The following KLF15 variants were observed in gnomAD, a reference collection of about 807,000 sequenced individuals.
The protein encoded by KLF15 is KLF transcription factor 15, also known as Krueppel-like factor 15.
In KLF15, 4 loss-of-function variants were observed where a neutral mutation model predicts 24.6. The ratio of observed to expected loss-of-function variants is 0.16; its 90% CI spans 0.08 to 0.37. The LOEUF is 0.37. Ranked by LOEUF, KLF15 falls within the 10% of genes least tolerant of loss-of-function variation. KLF15 has a pLI of 1.00. For synonymous variants in KLF15, 246 were observed against 236.3 expected (o/e 1.04, Z -0.37); for missense variants, 496 against 560.6 (o/e 0.88, Z 1.16).
At chr3:126,325,107 A>C in the KLF15 span, among the ~76,000 whole-genome samples, 1 of 49,688 alleles carries the variant, frequency 2.0e-5, no homozygotes, top group Non-Finnish European at 3.5e-5. Context: ...ATGGTTTCCA[A>C]TTTCATCCAT....
rs901907692 is a variant in KLF15, at chr3:126,342,864, C to G, written c.*863G>C. 1 of 152,448 alleles carries G rather than the reference C, an allele frequency of 6.6e-6. No individual in the cohort carries two copies. Among genetic ancestry groups the G allele is most frequent in the African/African-American group, 2.4e-5 (1 of 41,390 alleles). The allele number at this position is 152,448 out of a possible 1,614,324, so 9.4% of individuals were successfully genotyped here. On this transcript the variant is annotated 3_prime_UTR_variant, in exon 3 of 3. Transcript: ENST00000296233. ...ATAAACCTGTCAAAACAAGCTAGTT[C>G]ATTTATTAATTTCTAGACAAAATAA...
At chr3:126,348,098 G>T (rs2082549790) in intron 2 of KLF15, among the ~76,000 whole-genome samples, 1 of 152,188 alleles carries the variant, frequency 6.6e-6, no homozygotes. Flanking sequence ...ACCAGAGTTA[G>T]CACCCAACAC....
chr3:126,296,830 C>T, the KLF15 span, among the ~76,000 whole-genome samples: 1 of 152,360 alleles, frequency 6.6e-6, no homozygotes. Context: ...GGATATTCAT[C>T]TCCTTTCTTC....
chr3:126,294,097 C>T, the KLF15 span: 4 of 152,252 alleles, frequency 2.6e-5, no homozygotes, highest in Admixed American at 6.5e-5. Flanking sequence ...GTCTGCCTGA[C>T]GCCTTCTCTG....
At chr3:126,347,345 G>A (rs1369166476) in intron 2 of KLF15, among the ~76,000 whole-genome samples, 1 of 152,156 alleles carries the variant, frequency 6.6e-6, no homozygotes, top group African/African-American at 2.4e-5. Context: ...GAGGGAAGGA[G>A]GTCAGAAAAA....
At chr3:126,322,949 G>C in the KLF15 span, among the ~76,000 whole-genome samples, 1 of 150,394 alleles carries the variant, frequency 6.6e-6, no homozygotes, top group East Asian at 1.9e-4. Flanking sequence ...AATTTAAATT[G>C]TGCCTGTTCT....
chr3:126,331,341 T>G, the KLF15 span, among the ~76,000 whole-genome samples: 1 of 152,236 alleles, frequency 6.6e-6, no homozygotes, highest in Non-Finnish European at 1.5e-5. Context: ...TGCACAGCCT[T>G]GTAAAACCAC....
rs2082488459 is a variant in KLF15, at chr3:126,342,661, A to G, written c.*1066T>C. ...GTGAGTTCTTTTTCTTTTTATTGGC[A>G]AAGTAAATATATTTTTATGAAGGAC... On this transcript the variant is annotated 3_prime_UTR_variant, in exon 3 of 3. Coordinates refer to ENST00000296233, the MANE Select transcript of KLF15 (RefSeq NM_014079.4). The G allele has an allele frequency of 6.6e-6, 1 of 152,586 alleles. No homozygotes were observed. Among genetic ancestry groups the G allele is most frequent in the African/African-American group, 2.4e-5 (1 of 41,436 alleles). The allele number at this position is 152,586 out of a possible 1,614,324, so 9.5% of individuals were successfully genotyped here.
chr3:126,294,900 C>G, the KLF15 span, among the ~76,000 whole-genome samples: 1 of 146,586 alleles, frequency 6.8e-6, no homozygotes, highest in Admixed American at 7.1e-5. Context: ...CACACACACA[C>G]ACACAGATAC....
the KLF15 span, among the ~76,000 whole-genome samples, chr3:126,318,347 G>T: frequency 6.6e-6 from 1 of 152,136 alleles, no homozygotes; most frequent in Admixed American, 6.5e-5. Context: ...GATTAGCCTG[G>T]GGGTAGGAGA....
chr3:126,323,271 TACATACACATAA>T, the KLF15 span, among the ~76,000 whole-genome samples: 111 of 149,608 alleles, frequency 7.4e-4, no homozygotes, highest in African/African-American at 2.7e-3. Flanking sequence ...CCATACATGT[TACATACACATAA>T]TTATATACTT....
the KLF15 span, among the ~76,000 whole-genome samples, chr3:126,328,847 C>A: frequency 2.0e-5 from 3 of 152,152 alleles, no homozygotes; most frequent in Non-Finnish European, 2.9e-5. Flanking sequence ...ATTTGCATGT[C>A]TTTTACTGTA....
chr3:126,299,734 C>G, the KLF15 span, among the ~76,000 whole-genome samples: 1 of 123,394 alleles, frequency 8.1e-6, no homozygotes, highest in Non-Finnish European at 1.6e-5. Flanking sequence ...GTCAACAGAG[C>G]GACACTCCAT....
chr3:126,338,516 G>T (rs900826656), downstream of KLF15, among the ~76,000 whole-genome samples: 2 of 152,296 alleles, frequency 1.3e-5, no homozygotes, highest in Middle Eastern at 3.4e-3. Flanking sequence ...CATGCGTAAT[G>T]CAAAGACTTC....
the KLF15 span, among the ~76,000 whole-genome samples, chr3:126,317,483 C>T: frequency 6.6e-6 from 1 of 152,188 alleles, no homozygotes; most frequent in Admixed American, 6.5e-5. Flanking sequence ...CAAGCATACA[C>T]ACTAAGAGGC....
chr3:126,317,900 G>A, the KLF15 span, among the ~76,000 whole-genome samples: 5 of 152,088 alleles, frequency 3.3e-5, no homozygotes, highest in Non-Finnish European at 2.9e-5. Context: ...CTAGAACTGG[G>A]GTTGCTGCAA....
At chr3:126,330,247 G>T in the KLF15 span, among the ~76,000 whole-genome samples, 1 of 152,184 alleles carries the variant, frequency 6.6e-6, no homozygotes, top group South Asian at 2.1e-4. Context: ...ACTCAGGTCA[G>T]CAGACTCCCA....
At chr3:126,347,436 C>G (rs1008397099) in intron 2 of KLF15, among the ~76,000 whole-genome samples, 1 of 152,198 alleles carries the variant, frequency 6.6e-6, no homozygotes, top group African/African-American at 2.4e-5. Context: ...CCTCTTGGCT[C>G]TGACGCTCAA....
the KLF15 span, among the ~76,000 whole-genome samples, chr3:126,310,977 C>A: frequency 2.6e-5 from 4 of 152,012 alleles, no homozygotes; most frequent in Admixed American, 2.6e-4. Context: ...ATCGCCACCG[C>A]GGCCCACTCT....
Sources: gnomAD v4.1 joint callset for allele counts (sites outside exome capture counted in the v4.1 genomes callset) on GRCh38, gnomAD v4.1.1 for gene constraint, MANE v1.5 for transcripts, NCBI Gene and HGNC (gene_info 2026-07-23, HGNC 2026-07-21) for gene names.